Variants in PCDHA7 observed in about 807,000 individuals in gnomAD.
The protein encoded by PCDHA7 is protocadherin alpha-7.
In PCDHA7, 37 loss-of-function variants were observed where a neutral mutation model predicts 57.2. The observed-to-expected ratio is 0.65, with a 90% confidence interval of 0.50 to 0.85. PCDHA7 has a LOEUF of 0.85. Among genes scored for constraint, PCDHA7 ranks in the 40% least tolerant of loss-of-function variants. The pLI is 0.00. For synonymous variants in PCDHA7, 553 were observed against 558.8 expected (o/e 0.99, Z 0.15); for missense variants, 1,188 against 1,241.8 (o/e 0.96, Z 0.65).
Position 140,836,453 on chromosome 5 carries a change from G to C in PCDHA7, c.2070G>C (p.Glu690Asp). The C allele has an allele frequency of 6.2e-7, 1 of 1,613,854 alleles. No homozygotes were observed. Among genetic ancestry groups the C allele is most frequent in the Non-Finnish European group, 8.5e-7 (1 of 1,179,870 alleles). ...SRASLGIAGP[E>D]TELVDVNVYL... ...CATCGTTGGGCATTGCAGGCCCAGA[G>C]ACCGAGCTGGTGGATGTCAACGTGT... The change falls in exon 1 of 4, where the codon GAG becomes GAC. Residue 690 changes from glutamate (E) to aspartate (D), a missense_variant. Coordinates refer to ENST00000525929, the MANE Select transcript of PCDHA7 (RefSeq NM_018910.3).
chr5:140,924,668 GC>G (rs2081945881), intron 1 of PCDHA7, among the ~76,000 whole-genome samples: 1 of 152,142 alleles, frequency 6.6e-6, no homozygotes, highest in Admixed American at 6.5e-5. Context: ...GCCGAGGCAG[GC>G]CAATCACTTG....
At chr5:140,869,531 C>A (rs782191099) in intron 1 of PCDHA7, 11 of 1,614,032 alleles carry the variant, frequency 6.8e-6, no homozygotes, top group African/African-American at 2.7e-5. Flanking sequence ...CTGCTGATTG[C>A]GGAATCTAAG....
chr5:140,967,279 T>C, intron 1 of PCDHA7: 1 of 1,613,002 alleles, frequency 6.2e-7, no homozygotes, highest in South Asian at 1.1e-5. Context: ...ACATAGAGAG[T>C]GCGCAGGACC....
intron 1 of PCDHA7, among the ~76,000 whole-genome samples, chr5:140,935,915 CAG>C (rs2090644404): frequency 7.6e-6 from 1 of 131,048 alleles, no homozygotes; most frequent in Non-Finnish European, 1.6e-5. Flanking sequence ...TTTTTTGAGA[CAG>C]ATTCTCATTC....
Position 140,834,317 on chromosome 5 carries a change from G to T in PCDHA7, c.-67G>T. ...CCACACATCGAGATTGAAATGAAGG[G>T]ATAAAAACATTCCTATAAATTCGAA... is the stretch of plus-strand genomic sequence containing the variant. On this transcript the variant is annotated 5_prime_UTR_variant, in exon 1 of 4. Coordinates refer to ENST00000525929, the MANE Select transcript of PCDHA7 (RefSeq NM_018910.3). The T allele has an allele frequency of 7.2e-7, 1 of 1,393,006 alleles. No homozygotes were observed. Among genetic ancestry groups the T allele is most frequent in the Non-Finnish European group, 9.8e-7 (1 of 1,015,532 alleles). The allele number at this position is 1,393,006 out of a possible 1,614,324, so 86.3% of individuals were successfully genotyped here. A position where few individuals can be genotyped will look rare whatever the true frequency, so the allele number is the denominator to read the frequency against.
chr5:140,877,063 C>T (rs782051698), intron 1 of PCDHA7: 21 of 1,612,898 alleles, frequency 1.3e-5, no homozygotes, highest in East Asian at 2.2e-5. Context: ...GCTGGAGCTG[C>T]TGCAGTTCCA....
At chr5:140,920,135 C>T (rs1206026315) in intron 1 of PCDHA7, among the ~76,000 whole-genome samples, 2 of 152,164 alleles carry the variant, frequency 1.3e-5, no homozygotes, top group Non-Finnish European at 2.9e-5. Flanking sequence ...TTTTAATTCT[C>T]CTCTCCAAAC....
chr5:140,938,650 A>G (rs184257234), intron 1 of PCDHA7, among the ~76,000 whole-genome samples: 3 of 152,214 alleles, frequency 2.0e-5, no homozygotes, highest in Non-Finnish European at 2.9e-5. Flanking sequence ...ATCCTTCTTT[A>G]TATCATTAGA....
intron 1 of PCDHA7, among the ~76,000 whole-genome samples, chr5:140,964,573 G>A (rs191009049): frequency 3.0e-4 from 45 of 152,274 alleles, no homozygotes; most frequent in African/African-American, 1.9e-4. Flanking sequence ...GAGGAGATAA[G>A]GGGAGGAAAG....
chr5:141,009,706 C>G lies in PCDHA7; in HGVS notation c.2583C>G (p.Gly861=). Reference sequence around the variant, plus strand: ...GCTGGACCTTTAAATACGGACCAGGCAACCCCAAACAATCCGGTCCCGGTG... The same window carrying G: ...GCTGGACCTTTAAATACGGACCAGGGAACCCCAAACAATCCGGTCCCGGTG... ...SNSWTFKYGP[G]NPKQSGPGEL... The change falls in exon 4 of 4, where the codon GGC becomes GGG. Residue 861 remains glycine, a synonymous_variant. Transcript: ENST00000525929. 1 of 1,614,118 alleles carries G rather than the reference C, an allele frequency of 6.2e-7. No homozygotes were observed. Among genetic ancestry groups the G allele is most frequent in the Non-Finnish European group, 8.5e-7 (1 of 1,180,020 alleles).
chr5:140,969,464 C>A, intron 1 of PCDHA7: 1 of 1,491,558 alleles, frequency 6.7e-7, no homozygotes. Flanking sequence ...ATATAGTATC[C>A]ACAATTTGAT....
intron 1 of PCDHA7, chr5:140,856,606 CA>C: frequency 6.3e-7 from 1 of 1,597,764 alleles, no homozygotes; most frequent in Non-Finnish European, 8.6e-7. Flanking sequence ...ACAAAAAAGA[CA>C]AAGACAAATT....
intron 1 of PCDHA7, among the ~76,000 whole-genome samples, chr5:140,871,851 A>G (rs561924103): frequency 6.6e-6 from 1 of 152,382 alleles, no homozygotes; most frequent in East Asian, 1.9e-4. Flanking sequence ...AATTATGACC[A>G]TAATAACTAT....
intron 1 of PCDHA7, chr5:140,870,230 G>A (rs782759965): frequency 9.3e-6 from 15 of 1,614,032 alleles, no homozygotes; most frequent in Non-Finnish European, 1.3e-5. Flanking sequence ...GTGTCTGACC[G>A]TGACTCAGGT....
At chr5:140,962,207 A>G (rs1364251526) in intron 1 of PCDHA7, among the ~76,000 whole-genome samples, 13 of 152,236 alleles carry the variant, frequency 8.5e-5, no homozygotes, top group Admixed American at 3.3e-4. Flanking sequence ...CTATCTCCTT[A>G]TTGATCTTGA....
At chr5:140,852,072 G>A in intron 1 of PCDHA7, 2 of 903,554 alleles carry the variant, frequency 2.2e-6, no homozygotes, top group Non-Finnish European at 2.7e-6. Context: ...TTCTCTTTCA[G>A]CTATTTTATT....
intron 1 of PCDHA7, among the ~76,000 whole-genome samples, chr5:140,956,511 T>C (rs1293826895): frequency 1.3e-5 from 2 of 152,218 alleles, no homozygotes. Flanking sequence ...TACTTGATCA[T>C]GGTGAATAAG....
At chr5:140,870,631 C>G (rs1554164498) in intron 1 of PCDHA7, 5 of 1,612,864 alleles carry the variant, frequency 3.1e-6, no homozygotes, top group Middle Eastern at 1.7e-4. Flanking sequence ...CGTGTCGGTG[C>G]ACGCGGAGAG....
chr5:140,836,527 T>A lies in PCDHA7; in HGVS notation c.2144T>A (p.Leu715Gln), dbSNP rs781797304. The change falls in exon 1 of 4, where the codon CTG becomes CAG. Residue 715 changes from leucine to glutamine, a missense_variant. By Grantham distance (113) the Leu-to-Gln change is moderately radical. Around this residue, in one of 3 missense-constraint regions of PCDHA7, gnomAD observed 892 missense variants for 788.5 expected, o/e 1.13. Coordinates refer to ENST00000525929, the MANE Select transcript of PCDHA7 (RefSeq NM_018910.3). Reference sequence around the variant, plus strand: ...GTGTCCAGTCTGTTGGTGCTTACCCTGCTGCTGTACACGGCGTTGCGGTGC... The same window carrying A: ...GTGTCCAGTCTGTTGGTGCTTACCCAGCTGCTGTACACGGCGTTGCGGTGC... ...CAVSSLLVLT[L>Q]LLYTALRCSA... 6.2e-7 allele frequency: 1 copy of A among 1,613,732 alleles called. No homozygotes were observed. The highest frequency in any genetic ancestry group is 1.3e-5 in the African/African-American group (1 of 74,860).
Sources: gnomAD v4.1 joint callset for allele counts (sites outside exome capture counted in the v4.1 genomes callset) on GRCh38, gnomAD v4.1.1 for gene constraint, gnomAD v4.1.1 regional missense constraint, MANE v1.5 for transcripts, NCBI Gene and HGNC (gene_info 2026-07-23, HGNC 2026-07-21) for gene names.